The following ADAMTS10 variants were observed in gnomAD, a reference collection of about 807,000 sequenced individuals.
The protein encoded by ADAMTS10 is A disintegrin and metalloproteinase with thrombospondin motifs 10.
In ADAMTS10, 48 loss-of-function variants were observed where a neutral mutation model predicts 135.9. That is an observed-to-expected ratio of 0.35 (90% confidence interval 0.28 to 0.45). The LOEUF is 0.45. Ranked by LOEUF, ADAMTS10 falls within the 20% of genes least tolerant of loss-of-function variation. The pLI, the probability that ADAMTS10 is intolerant of heterozygous loss-of-function variation, is 1.00. For synonymous variants in ADAMTS10, 621 were observed against 647.5 expected (o/e 0.96, Z 0.62); for missense variants, 1,131 against 1,565.2 (o/e 0.72, Z 4.68).
rs573956702 is a variant in ADAMTS10 at position 8,589,522 on chromosome 19, G to A, written c.1964C>T (p.Ala655Val). ...GGGTGTCCCGTCCACCACGGCTGCC[G>A]CCCTCTCCGTGTAGAAGTTGAAGCC... ...AEGFNFYTER[A>V]AAVVDGTPCR... Residue 655 changes from alanine to valine, a missense_variant, in exon 17 of 26, where the codon GCG becomes GTG. Coordinates refer to ENST00000597188, the MANE Select transcript of ADAMTS10 (RefSeq NM_030957.4). The A allele has an allele frequency of 1.2e-6, 2 of 1,612,920 alleles. No homozygotes were observed. Among genetic ancestry groups the A allele is most frequent in the Admixed American group, 1.7e-5 (1 of 59,936 alleles).
At chr19:8,595,614 T>TG in intron 12 of ADAMTS10, 148 bp downstream of exon 12, 1 of 1,285,402 alleles carries the variant, frequency 7.8e-7, no homozygotes, top group Non-Finnish European at 1.1e-6. Flanking sequence ...ACCTCTGTCC[T>TG]CCCAGGTCAC....
rs199769798 is a variant in ADAMTS10, at chr19:8,595,874, C to T, written c.1367G>A (p.Arg456Gln). 1.4e-4 allele frequency: 223 copies of T among 1,614,158 alleles called. 2 individuals are homozygous for T. In the Admixed American group the frequency reaches 3.3e-3, roughly 24 times the overall value. The part of the protein sequence containing the change: ...DSGLGLCLNN[R>Q]PPRQDFVYPT... ...GTACACAAAGTCCTGTCTGGGGGGC[C>T]GGTTGTTCAGGCAGAGCCCCAGGCC... Residue 456 changes from arginine to glutamine, a missense_variant, in exon 12 of 26, where the codon CGG (arginine) becomes CAG (glutamine). Around this residue, in one of 3 missense-constraint regions of ADAMTS10, gnomAD observed 745 missense variants for 1,056.3 expected, o/e 0.71. Coordinates refer to ENST00000597188, the MANE Select transcript of ADAMTS10 (RefSeq NM_030957.4).
At position 8,601,102 on chromosome 19, in the gene ADAMTS10, C is replaced by A. The variant is rs2042665278; in HGVS notation, c.636G>T (p.Leu212Phe). Residue 212 changes from leucine to phenylalanine, a missense_variant, in exon 6 of 26, where the codon TTG (leucine) becomes TTT (phenylalanine). By Grantham distance (22) the Leu-to-Phe change is conservative (BLOSUM62 0). Around this residue, in one of 3 missense-constraint regions of ADAMTS10, gnomAD observed 306 missense variants for 344.4 expected, o/e 0.89. Coordinates refer to ENST00000597188, the MANE Select transcript of ADAMTS10 (RefSeq NM_030957.4). The surrounding 1 kb of genome is among the most constrained non-coding windows in gnomAD (Gnocchi z 4.6). The stretch of plus-strand genomic sequence containing the variant: ...CCAGGGGCCTGGCAGGCGGTGGCTT[C>A]AAGGTCCGCAGCCACCATGGCCGCC... ...WKGRPWWLRT[L>F]KPPPARPLGN... 6.2e-7 allele frequency: 1 copy of A among 1,613,884 alleles called. No individual in the cohort carries two copies. The highest frequency in any genetic ancestry group is 1.1e-5 in the South Asian group (1 of 91,092).
Position 8,589,558 on chromosome 19 carries a change from C to G in ADAMTS10, c.1928G>C (p.Cys643Ser). 6.2e-7 allele frequency: 1 copy of G among 1,613,508 alleles called. No homozygotes were observed. Among genetic ancestry groups the G allele is most frequent in the Non-Finnish European group, 8.5e-7 (1 of 1,179,984 alleles). ...GTAGAAGTTGAAGCCTTCCGCTAGG[C>G]ACGTGAGCGAGCAGGCCTTCACGCC... The part of the protein sequence containing the change: ...GGGVKACSLT[C>S]LAEGFNFYTE... The change falls in exon 17 of 26, where the codon TGC (cysteine) becomes TCC (serine). Residue 643 changes from cysteine to serine, a missense_variant. Around this residue, in one of 3 missense-constraint regions of ADAMTS10, gnomAD observed 745 missense variants for 1,056.3 expected, o/e 0.71. Coordinates refer to ENST00000597188, the MANE Select transcript of ADAMTS10 (RefSeq NM_030957.4).
chr19:8,607,372 C>T (rs1410850489), intron 2 of ADAMTS10, among the ~76,000 whole-genome samples: 2 of 152,076 alleles, frequency 1.3e-5, no homozygotes, highest in African/African-American at 4.8e-5. Context: ...TGTTTCTGAC[C>T]CCGTCCTCCA....
intron 6 of ADAMTS10, among the ~76,000 whole-genome samples, chr19:8,600,260 A>G (rs1176061533): frequency 1.3e-5 from 2 of 152,188 alleles, no homozygotes; most frequent in Non-Finnish European, 2.9e-5. Flanking sequence ...AGGTAAGACA[A>G]GGCAGAGAGG....
chr19:8,584,992 G>T lies in ADAMTS10; in HGVS notation c.3105C>A (p.Gly1035=). The T allele has an allele frequency of 6.5e-7, 1 of 1,543,550 alleles. No homozygotes were observed. The highest frequency in any genetic ancestry group is 2.0e-4 in the Middle Eastern group (1 of 4,970). The change falls in exon 25 of 26, where the codon GGC becomes GGA. Residue 1035 remains glycine, a synonymous_variant. Coordinates refer to ENST00000597188, the MANE Select transcript of ADAMTS10 (RefSeq NM_030957.4). ...CCTCCGTGCACTCGTGCGACGCCTG[G>T]CCCGTGTGGCTGGTGCAGCGCACCG... ...QRSVRCTSHT[G]QASHECTEAL...
chr19:8,589,817 TCATCCA>T lies in ADAMTS10; in HGVS notation c.1900+66_1900+71del, dbSNP rs2042497454. On this transcript the variant is annotated intron_variant, in intron 16 of 25. Coordinates refer to ENST00000597188, the MANE Select transcript of ADAMTS10 (RefSeq NM_030957.4). ...CAGGGCAGACCCCGGGATGCTGCAT[TCATCCA>T]CCTGCTGCTGGACACTCCCACGGCT... 2.7e-6 allele frequency: 4 copies of T among 1,500,756 alleles called. No homozygotes were observed. The African/African-American group carries it at 5.5e-5, about 21-fold the overall frequency. 93.0% of individuals were successfully genotyped at this position (1,500,756 alleles called of 1,614,324 possible). A position where few individuals can be genotyped will look rare whatever the true frequency, so the allele number is the denominator to read the frequency against.
At chr19:8,598,352 T>C (rs780455984) in intron 6 of ADAMTS10, among the ~76,000 whole-genome samples, 2 of 151,836 alleles carry the variant, frequency 1.3e-5, no homozygotes, top group Non-Finnish European at 1.5e-5. Flanking sequence ...CTGAGGGATA[T>C]ACATGTCTGA....
chr19:8,606,444 C>T (rs1306257141), intron 2 of ADAMTS10, among the ~76,000 whole-genome samples: 1 of 152,148 alleles, frequency 6.6e-6, no homozygotes, highest in Non-Finnish European at 1.5e-5. Context: ...CTATGTGACC[C>T]AGGCTGGAGT....
At chr19:8,592,143 A>G in intron 13 of ADAMTS10, 40 bp from the exon 14 acceptor site, 1 of 1,613,120 alleles carries the variant, frequency 6.2e-7, no homozygotes, top group South Asian at 1.1e-5. Context: ...TCCAGCCCGG[A>G]GGACACTCGT....
intron 25 of ADAMTS10, among the ~76,000 whole-genome samples, chr19:8,584,360 G>C (rs1252487712): frequency 2.6e-5 from 4 of 151,566 alleles, no homozygotes; most frequent in Non-Finnish European, 4.4e-5. Context: ...AGAAGCCGGG[G>C]ATGCTGCTGA....
Position 8,605,739 on chromosome 19 carries a change from C to A in ADAMTS10, c.-29G>T. On this transcript the variant is annotated 5_prime_UTR_variant, in exon 3 of 26. Transcript: ENST00000597188. The surrounding 1 kb of genome is among the most constrained non-coding windows in gnomAD (Gnocchi z 7.7). ...GGCCACGTGTCCACATGTCTCTCCC[C>A]AGCCCCGGCTGCCGGCAGCCCCCAC... 6.3e-7 allele frequency: 1 copy of A among 1,585,218 alleles called. No homozygotes were observed. The highest frequency in any genetic ancestry group is 8.6e-7 in the Non-Finnish European group (1 of 1,168,504).
chr19:8,604,075 A>C (rs1214544274), intron 4 of ADAMTS10, among the ~76,000 whole-genome samples, 191 bp from the exon 5 acceptor site: 4 of 151,264 alleles, frequency 2.6e-5, no homozygotes, highest in Non-Finnish European at 5.9e-5. Flanking sequence ...TTTGGAGACA[A>C]GGTCTTACTC....
At chr19:8,604,001 CTTTT>C (rs36044688) in intron 4 of ADAMTS10, 117 bp from the exon 5 acceptor site, 19 of 824,526 alleles carry the variant, frequency 2.3e-5, no homozygotes, top group Non-Finnish European at 2.1e-5. Flanking sequence ...TTTGCTATTT[CTTTT>C]TTTTTTTTTG....
chr19:8,581,134 T>C lies in ADAMTS10; in HGVS notation c.3203-132A>G, dbSNP rs1395057160. 6.4e-4 allele frequency: 71 copies of C among 110,870 alleles called. 2 individuals are homozygous for C. Among genetic ancestry groups the C allele is most frequent in the African/African-American group, 2.7e-3 (42 of 15,686 alleles). The allele number at this position is 110,870 out of a possible 1,614,324, so 6.9% of individuals were successfully genotyped here. A position where few individuals can be genotyped will look rare whatever the true frequency, so the allele number is the denominator to read the frequency against. ...GTTTCTTTCTTTTTAAATTTACTTT[T>C]TTTTTTTTTTTTTTTTTTTTTTTTT... On this transcript the variant is annotated intron_variant, in intron 25 of 25. Transcript: ENST00000597188.
chr19:8,582,507 C>G (rs2042367043), intron 25 of ADAMTS10: 1 of 152,198 alleles, frequency 6.6e-6, no homozygotes, highest in Admixed American at 6.6e-5. Flanking sequence ...AAACCTGAAG[C>G]TCTTGAGTCC....
chr19:8,595,569 GTC>G (rs2146078594), intron 12 of ADAMTS10, 191 bp downstream of exon 12: 2 of 841,314 alleles, frequency 2.4e-6, no homozygotes, highest in Admixed American at 4.3e-5. Flanking sequence ...CCCAAGCACT[GTC>G]TGATTGCTTA....
chr19:8,589,332 G>C lies in ADAMTS10; in HGVS notation c.2068C>G (p.Leu690Val). The change falls in exon 18 of 26, where the codon CTG (leucine) becomes GTG (valine). Residue 690 changes from leucine to valine, a missense_variant. Leu to Val is a conservative substitution (Grantham distance 32, BLOSUM62 1). Coordinates refer to ENST00000597188, the MANE Select transcript of ADAMTS10 (RefSeq NM_030957.4). Reference protein sequence around the residue: ...VGCDRVLGSDLREDKCRVCGG... With the variant: ...VGCDRVLGSDVREDKCRVCGG... The stretch of plus-strand genomic sequence containing the variant: ...CACACTCGGCACTTGTCCTCCCGCA[G>C]GTCGGAGCCCAGGACTCGGTCGCAG... 6.2e-7 allele frequency: 1 copy of C among 1,612,526 alleles called. No individual in the cohort carries two copies. Among genetic ancestry groups the C allele is most frequent in the Non-Finnish European group, 8.5e-7 (1 of 1,179,954 alleles).
Sources: gnomAD v4.1 joint callset for allele counts (sites outside exome capture counted in the v4.1 genomes callset) on GRCh38, gnomAD v4.1.1 for gene constraint, gnomAD v4.1.1 regional missense constraint, Gnocchi (gnomAD v3.1) non-coding constraint, MANE v1.5 for transcripts, NCBI Gene and HGNC (gene_info 2026-07-23, HGNC 2026-07-21) for gene names.